Variants in DARS2 observed in about 807,000 individuals in gnomAD.
The protein encoded by DARS2 is aspartyl-tRNA synthetase 2, mitochondrial, also known as aspartate--tRNA ligase, mitochondrial.
In DARS2, 63 loss-of-function variants were observed where a neutral mutation model predicts 83.0. The observed-to-expected ratio is 0.76, with a 90% CI of 0.62 to 0.94. The LOEUF is 0.94. DARS2 is among the 40% of genes least tolerant of loss of function. The probability of loss-of-function intolerance (pLI) is 0.00; values close to 1 mark genes in which losing one functional copy is unlikely to be tolerated. For synonymous variants in DARS2, 250 were observed against 269.3 expected (o/e 0.93, Z 0.70); for missense variants, 675 against 774.4 (o/e 0.87, Z 1.52).
chr1:173,831,067 C>T (rs1343537726), intron 4 of DARS2, among the ~76,000 whole-genome samples: 2 of 152,066 alleles, frequency 1.3e-5, no homozygotes, highest in African/African-American at 4.8e-5. Context: ...CAGGTGCATG[C>T]CACCACGCCC....
chr1:173,845,750 G>A (rs543341812), intron 12 of DARS2, among the ~76,000 whole-genome samples: 2 of 152,114 alleles, frequency 1.3e-5, no homozygotes, highest in Non-Finnish European at 2.9e-5. Flanking sequence ...GGCTGGGCAC[G>A]GTGGCTCACA....
intron 9 of DARS2, among the ~76,000 whole-genome samples, chr1:173,838,630 T>C (rs1653094651): frequency 6.6e-6 from 1 of 152,010 alleles, no homozygotes. Context: ...CTCTTATATA[T>C]TATGAATAAT....
At chr1:173,830,596 T>A (rs770775942) in intron 3 of DARS2, 64 bp from the exon 4 acceptor site, 1 of 1,329,402 alleles carries the variant, frequency 7.5e-7, no homozygotes, top group African/African-American at 1.4e-5. Context: ...CATCTACTTA[T>A]AATTACTGAA....
At chr1:173,841,442 C>A (rs1653207028) in intron 11 of DARS2, among the ~76,000 whole-genome samples, 1 of 151,824 alleles carries the variant, frequency 6.6e-6, no homozygotes, top group Non-Finnish European at 1.5e-5. Context: ...AAGTAGAGAA[C>A]AATAAAATTT....
At chr1:173,856,476 C>T (rs1305199291) in intron 15 of DARS2, among the ~76,000 whole-genome samples, 190 bp from the exon 16 acceptor site, 1 of 152,114 alleles carries the variant, frequency 6.6e-6, no homozygotes, top group Non-Finnish European at 1.5e-5. Context: ...TGTCTTTTTC[C>T]CTTACTAACC....
At chr1:173,852,198 T>C (rs1361954120) in intron 13 of DARS2, 1 of 985,336 alleles carries the variant, frequency 1.0e-6, no homozygotes, top group Non-Finnish European at 1.2e-6. Flanking sequence ...TACCCTATCA[T>C]GTCTCTAGGC....
At chr1:173,837,151 T>G (rs1453832531) in intron 8 of DARS2, 105 bp downstream of exon 8, 17 of 1,039,034 alleles carry the variant, frequency 1.6e-5, no homozygotes, top group Non-Finnish European at 2.2e-5. Context: ...GGATAGAAAA[T>G]TTATGAGAGT....
intron 12 of DARS2, among the ~76,000 whole-genome samples, chr1:173,848,397 T>C (rs1472362736): frequency 1.3e-5 from 2 of 152,234 alleles, no homozygotes; most frequent in Non-Finnish European, 2.9e-5. Flanking sequence ...CCAATAAAAC[T>C]TTCTGTAATG....
At chr1:173,840,645 A>C (rs1236284524) in intron 10 of DARS2, among the ~76,000 whole-genome samples, 2 of 152,240 alleles carry the variant, frequency 1.3e-5, no homozygotes, top group Admixed American at 6.5e-5. Flanking sequence ...GGTTTCATCT[A>C]TGAAATAGGG....
In DARS2 at chr1:173,857,692, A is replaced by G; in HGVS notation, c.1925A>G (p.Glu642Gly). 6.2e-7 allele frequency: 1 copy of G among 1,614,144 alleles called. No homozygotes were observed. Among genetic ancestry groups the G allele is most frequent in the Non-Finnish European group, 8.5e-7 (1 of 1,180,008 alleles). ...RVSKPTDSKA[E>G]RAH Reference sequence around the variant, plus strand: ...TCCAAGCCAACAGACTCCAAAGCAGAAAGAGCTCATTGAATCATGCATACC... The same window carrying G: ...TCCAAGCCAACAGACTCCAAAGCAGGAAGAGCTCATTGAATCATGCATACC... The change falls in exon 17 of 17, where the codon GAA becomes GGA. Residue 642 changes from glutamate (E) to glycine (G), a missense_variant. Physicochemically the swap from Glu to Gly is moderately conservative, Grantham distance 98. Transcript: ENST00000649689.
Position 173,831,494 on chromosome 1 carries a change from T to C in DARS2, c.397-41T>C, listed in dbSNP as rs779956876. 6 of 1,374,804 alleles carry C rather than the reference T, an allele frequency of 4.4e-6. No homozygotes were observed. In the South Asian group the frequency reaches 7.0e-5, roughly 16 times the overall value. The allele number at this position is 1,374,804 out of a possible 1,614,324, so 85.2% of individuals were successfully genotyped here. ...ACAAATGTGTATTTTGTGTATATCCTGATGAGTAATTTTTAAAACCCTTCC... is the reference window on the plus strand; with the variant it reads ...ACAAATGTGTATTTTGTGTATATCCCGATGAGTAATTTTTAAAACCCTTCC... On this transcript the variant is annotated intron_variant, in intron 4 of 16. Coordinates refer to ENST00000649689, the MANE Select transcript of DARS2 (RefSeq NM_018122.5).
intron 16 of DARS2, 82 bp from the exon 17 acceptor site, chr1:173,857,436 T>C (rs904515219): frequency 7.0e-7 from 1 of 1,423,092 alleles, no homozygotes; most frequent in African/African-American, 1.4e-5. Flanking sequence ...TTAAAAGTTT[T>C]CTACAACTTT....
intron 5 of DARS2, 68 bp from the exon 6 acceptor site, chr1:173,833,308 C>CTA: frequency 7.0e-7 from 1 of 1,437,764 alleles, no homozygotes. Context: ...AATTCAAACT[C>CTA]TTTCTAAAGA....
In DARS2 at chr1:173,830,736, C is replaced by T. The variant is rs1652765847; in HGVS notation, c.371C>T (p.Ser124Phe). The change falls in exon 4 of 17, where the codon TCC (serine) becomes TTC (phenylalanine). Residue 124 changes from serine to phenylalanine, a missense_variant. Ser to Phe is a radical substitution (Grantham distance 155). Transcript: ENST00000649689. ...SVVQVSGTVI[S>F]RPAGQENPKM... ...GTGCAAGTGTCTGGTACAGTCATTT[C>T]CCGTCCTGCAGGACAAGAGAATCCA... 2 of 1,613,836 alleles carry T rather than the reference C, an allele frequency of 1.2e-6. No homozygotes were observed. Among genetic ancestry groups the T allele is most frequent in the Non-Finnish European group, 1.7e-6 (2 of 1,179,858 alleles).
In DARS2 at chr1:173,853,561, CA is replaced by C; in HGVS notation, c.1562del (p.Lys521ArgfsTer11). 2 of 1,613,756 alleles carry C rather than the reference CA, an allele frequency of 1.2e-6. No individual in the cohort carries two copies. Among genetic ancestry groups the C allele is most frequent in the Non-Finnish European group, 1.7e-6 (2 of 1,179,920 alleles). Reference sequence around the variant, plus strand: ...ACATACATCTCCTGTACACTGAGCCCAAAAAGGTACCGTATCTATACTTCCA... The same window carrying C: ...ACATACATCTCCTGTACACTGAGCCCAAAAGGTACCGTATCTATACTTCCA... ...SDIHLLYTEP[K>X]KARSQHYDLV... On this transcript the variant is annotated frameshift_variant, in exon 14 of 17. Transcript: ENST00000649689. LOFTEE classifies it high-confidence loss of function.
intron 9 of DARS2, among the ~76,000 whole-genome samples, chr1:173,838,798 C>A (rs943486936): frequency 6.6e-6 from 1 of 152,022 alleles, no homozygotes; most frequent in African/African-American, 2.4e-5. Flanking sequence ...TGCAGTGGCG[C>A]GGTCTCAGCT....
At position 173,857,729 on chromosome 1, in the gene DARS2, T is replaced by G. The variant is rs749994971; in HGVS notation, c.*24T>G. 4.3e-6 allele frequency: 7 copies of G among 1,613,980 alleles called. No homozygotes were observed. The highest frequency in any genetic ancestry group is 5.9e-6 in the Non-Finnish European group (7 of 1,179,870). ...GAATCATGCATACCATGCAGAAAGT[T>G]GAGCTTTTAGGTTTTGTCCTCTTTG... On this transcript the variant is annotated 3_prime_UTR_variant, in exon 17 of 17. Transcript: ENST00000649689.
chr1:173,854,056 AT>A, intron 15 of DARS2, 151 bp downstream of exon 15: 1 of 704,866 alleles, frequency 1.4e-6, no homozygotes. Flanking sequence ...GCTCACTGCA[AT>A]CTCAGTCTCC....
chr1:173,850,530 T>C, intron 13 of DARS2, 51 bp downstream of exon 13: 2 of 1,580,660 alleles, frequency 1.3e-6, no homozygotes, highest in Non-Finnish European at 1.7e-6. Context: ...GAACAATGCC[T>C]TACTCTCCTA....
Sources: gnomAD v4.1 joint callset for allele counts (sites outside exome capture counted in the v4.1 genomes callset) on GRCh38, gnomAD v4.1.1 for gene constraint, MANE v1.5 for transcripts, NCBI Gene and HGNC (gene_info 2026-07-23, HGNC 2026-07-21) for gene names.